The following FER1L6 variants were observed in gnomAD, a reference collection of about 807,000 sequenced individuals.
FER1L6 encodes fer-1-like protein 6.
A neutral mutation model predicts 219.2 loss-of-function variants in FER1L6; 177 were observed. The ratio of observed to expected loss-of-function variants is 0.81; its 90% CI spans 0.71 to 0.91. The LOEUF is 0.91. Among genes scored for constraint, FER1L6 ranks in the 40% least tolerant of loss-of-function variants. The pLI is 0.00. For missense variants in FER1L6, 2,153 were observed against 2,259.9 expected, an observed-to-expected ratio of 0.95 and a Z score of 0.96; for synonymous variants, 768 against 824.3, an observed-to-expected ratio of 0.93 and a Z score of 1.17.
At position 124,101,298 on chromosome 8, in the gene FER1L6, G is replaced by T; in HGVS notation, c.5085G>T (p.Gln1695His). The change falls in exon 38 of 41, where the codon CAG (glutamine) becomes CAT (histidine). Residue 1695 changes from glutamine (Q) to histidine (H), a missense_variant. Transcript: ENST00000522917. Reference sequence around the variant, plus strand: ...AGACTCCTGCTGTGTTGGTGCTGCAGGTTTGGGATTTTGAAAGGCTGTCCT... The same window carrying T: ...AGACTCCTGCTGTGTTGGTGCTGCATGTTTGGGATTTTGAAAGGCTGTCCT... Reference protein sequence around the residue: ...ECKTPAVLVLQVWDFERLSSD... With the variant: ...ECKTPAVLVLHVWDFERLSSD... 6.2e-7 allele frequency: 1 copy of T among 1,613,848 alleles called. No homozygotes were observed.
intron 33 of FER1L6, among the ~76,000 whole-genome samples, chr8:124,088,101 C>A (rs1821858498): frequency 6.6e-6 from 1 of 152,086 alleles, no homozygotes; most frequent in African/African-American, 2.4e-5. Flanking sequence ...CAATGGGTGG[C>A]AAATCCAGCC....
chr8:124,117,013 A>T (rs1823275514), intron 39 of FER1L6, among the ~76,000 whole-genome samples: 1 of 152,216 alleles, frequency 6.6e-6, no homozygotes. Context: ...GGTGATTATG[A>T]AGACAATTAT....
intron 24 of FER1L6, 87 bp downstream of exon 24, chr8:124,060,796 C>G: frequency 7.3e-7 from 1 of 1,364,528 alleles, no homozygotes; most frequent in South Asian, 1.4e-5. Flanking sequence ...CCACTAGCTG[C>G]GAGAAAGAAT....
At chr8:123,948,319 A>G (rs1462968180) in intron 1 of FER1L6, among the ~76,000 whole-genome samples, 2 of 152,226 alleles carry the variant, frequency 1.3e-5, no homozygotes, top group Non-Finnish European at 2.9e-5. Flanking sequence ...ATGCTTTTTA[A>G]AAATTAAATC....
At chr8:124,005,224 A>T (rs911972842) in intron 13 of FER1L6, among the ~76,000 whole-genome samples, 1 of 152,164 alleles carries the variant, frequency 6.6e-6, no homozygotes, top group Admixed American at 6.5e-5. Flanking sequence ...TCGCTAAACT[A>T]TGAGAACCAG....
At chr8:124,033,884 G>A (rs1819083106) in intron 18 of FER1L6, among the ~76,000 whole-genome samples, 2 of 152,148 alleles carry the variant, frequency 1.3e-5, no homozygotes, top group Non-Finnish European at 2.9e-5. Flanking sequence ...CAAGTGGAGT[G>A]GCCTCTTTGT....
intron 1 of FER1L6, among the ~76,000 whole-genome samples, chr8:123,952,359 A>C (rs573799573): frequency 1.3e-5 from 2 of 152,338 alleles, no homozygotes; most frequent in Middle Eastern, 3.4e-3. Context: ...ACACTGAGTG[A>C]TGCCACCTGA....
intron 13 of FER1L6, among the ~76,000 whole-genome samples, chr8:124,007,443 T>A (rs577941871): frequency 5.9e-5 from 9 of 152,310 alleles, no homozygotes; most frequent in Admixed American, 2.0e-4. Flanking sequence ...GAAAACCTGG[T>A]CAAAACAATA....
intron 12 of FER1L6, among the ~76,000 whole-genome samples, chr8:123,992,166 T>G (rs574575650): frequency 6.6e-6 from 1 of 152,226 alleles, no homozygotes; most frequent in Admixed American, 6.5e-5. Context: ...TTTTCTCTTT[T>G]TGTTATGTCC....
chr8:124,059,261 G>A (rs1483089573), intron 22 of FER1L6, among the ~76,000 whole-genome samples: 1 of 152,132 alleles, frequency 6.6e-6, no homozygotes. Flanking sequence ...TGGGTCATCT[G>A]GCCCAATATC....
Position 124,039,647 on chromosome 8 carries a change from C to T in FER1L6, c.2465-235C>T, listed in dbSNP as rs1408790404. 4.6e-5 allele frequency among the ~76,000 whole-genome samples: 7 copies of T among 152,188 alleles called. 1 individual carries two copies. Among genetic ancestry groups the T allele is most frequent in the Admixed American group, 4.6e-4 (7 of 15,278 alleles). Reference sequence around the variant, plus strand: ...CATGGTTTTAGTGAAGAATAAGACACATAACCTGGTGAAAGCACCAAGGAA... The same window carrying T: ...CATGGTTTTAGTGAAGAATAAGACATATAACCTGGTGAAAGCACCAAGGAA... On this transcript the variant is annotated intron_variant, in intron 19 of 40. Coordinates refer to ENST00000522917, the MANE Select transcript of FER1L6 (RefSeq NM_001039112.2).
At chr8:123,984,660 C>G (rs561655254) in intron 11 of FER1L6, 1 of 152,110 alleles carries the variant, frequency 6.6e-6, no homozygotes, top group Non-Finnish European at 1.5e-5. Context: ...TGACTAAGAT[C>G]CAGCACTGAG....
At chr8:124,005,595 T>C (rs1041914036) in intron 13 of FER1L6, among the ~76,000 whole-genome samples, 1 of 152,244 alleles carries the variant, frequency 6.6e-6, no homozygotes, top group Non-Finnish European at 1.5e-5. Flanking sequence ...CTCTCTCCTC[T>C]GTTAAACTGG....
At chr8:123,942,213 A>T (rs558621388) in intron 1 of FER1L6, among the ~76,000 whole-genome samples, 1 of 152,116 alleles carries the variant, frequency 6.6e-6, no homozygotes, top group East Asian at 1.9e-4. Flanking sequence ...CCCTCCCCAC[A>T]CTTCATGCTG....
At chr8:124,030,506 TTCA>T (rs1203934743) in intron 18 of FER1L6, among the ~76,000 whole-genome samples, 2 of 152,174 alleles carry the variant, frequency 1.3e-5, no homozygotes, top group South Asian at 4.2e-4. Context: ...GAAATGGAAA[TTCA>T]TCACCGAAAG....
At chr8:123,902,536 CA>C (rs1272852206) in intron 1 of FER1L6, among the ~76,000 whole-genome samples, 1 of 152,166 alleles carries the variant, frequency 6.6e-6, no homozygotes, top group African/African-American at 2.4e-5. Flanking sequence ...TCCTGTTGCA[CA>C]AGGCCTTTTA....
At chr8:123,977,347 C>A in intron 9 of FER1L6, 70 bp from the exon 10 acceptor site, 1 of 1,445,020 alleles carries the variant, frequency 6.9e-7, no homozygotes, top group South Asian at 1.3e-5. Flanking sequence ...ATACTTCCAG[C>A]TGGCTTGAAG....
At chr8:123,978,594 A>AT (rs370456993) in intron 10 of FER1L6, among the ~76,000 whole-genome samples, 182 of 152,270 alleles carry the variant, frequency 1.2e-3, no homozygotes, top group African/African-American at 4.3e-3. Flanking sequence ...TAATTGACAT[A>AT]TTTTTTGCAT....
At position 124,003,193 on chromosome 8, in the gene FER1L6, G is replaced by C; in HGVS notation, c.1546G>C (p.Gly516Arg). The change falls in exon 13 of 41, where the codon GGA (glycine) becomes CGA (arginine). Residue 516 changes from glycine (G) to arginine (R), a missense_variant. Physicochemically the swap from Gly to Arg is moderately radical, Grantham distance 125. Transcript: ENST00000522917. ...TAATTTTGGAAACCTGATTGATGGA[G>C]GATCCCATCATGGGAGTAAGAAGTC... The part of the protein sequence containing the change: ...IGNFGNLIDG[G>R]SHHGSKKSAE... 6.2e-7 allele frequency: 1 copy of C among 1,613,992 alleles called. No homozygotes were observed. Among genetic ancestry groups the C allele is most frequent in the Non-Finnish European group, 8.5e-7 (1 of 1,179,942 alleles).
Sources: gnomAD v4.1 joint callset for allele counts (sites outside exome capture counted in the v4.1 genomes callset) on GRCh38, gnomAD v4.1.1 for gene constraint, MANE v1.5 for transcripts, NCBI Gene and HGNC (gene_info 2026-07-23, HGNC 2026-07-21) for gene names.